Variants in RBM26 observed in about 807,000 individuals in gnomAD.
The protein encoded by RBM26 is RNA-binding protein 26.
RBM26 carries 30 observed loss-of-function variants against 123.6 expected under a neutral mutation model. The ratio of observed to expected loss-of-function variants is 0.24; its 90% CI spans 0.18 to 0.33. RBM26 has a LOEUF of 0.33. RBM26 is among the 10% of genes least tolerant of loss of function. The pLI, the probability that RBM26 is intolerant of heterozygous loss-of-function variation, is 1.00. For synonymous variants in RBM26, 400 were observed against 404.4 expected, an observed-to-expected ratio of 0.99 and a Z score of 0.13; for missense variants, 947 against 1,203.6, an observed-to-expected ratio of 0.79 and a Z score of 3.15.
downstream of RBM26, chr13:79,315,097 A>G: frequency 1.8e-6 from 1 of 563,996 alleles, no homozygotes; most frequent in South Asian, 1.7e-5. Flanking sequence ...AACATTAAAA[A>G]AGTCTATTTG....
At position 79,354,601 on chromosome 13, in the gene RBM26, T is replaced by G. The variant is rs750185527; in HGVS notation, c.1855-31A>C. The G allele has an allele frequency of 3.2e-6, 5 of 1,542,146 alleles. 1 individual carries two copies. The South Asian group carries it at 6.1e-5, about 19-fold the overall frequency. ...AACAAGGAAAAAATGTTAAACAAGT[T>G]GATTCATTCAAAAGGATGGAAAGTG... On this transcript the variant is annotated intron_variant, in intron 12 of 21. Transcript: ENST00000438737.
intron 10 of RBM26, among the ~76,000 whole-genome samples, chr13:79,359,095 T>A (rs2074358716): frequency 6.6e-6 from 1 of 152,166 alleles, no homozygotes; most frequent in African/African-American, 2.4e-5. Context: ...CACACATATC[T>A]TAACATTCTG....
intron 5 of RBM26, 127 bp downstream of exon 5, chr13:79,370,818 C>T: frequency 9.8e-7 from 1 of 1,020,908 alleles, no homozygotes; most frequent in Middle Eastern, 3.1e-4. Context: ...AAAAAGCATT[C>T]TCTTGGACCA....
At chr13:79,403,904 G>A (rs1052164595) in intron 1 of RBM26, among the ~76,000 whole-genome samples, 3 of 152,142 alleles carry the variant, frequency 2.0e-5, no homozygotes, top group Non-Finnish European at 2.9e-5. Flanking sequence ...GCATTCTGCA[G>A]CATTTCATAA....
In RBM26 at chr13:79,358,274, C is replaced by T; in HGVS notation, c.1689G>A (p.Gln563=). The stretch of plus-strand genomic sequence containing the variant: ...AACAAAACCATTTCATGGCTCTTAC[C>T]TGTAAGTTAACCAAGGTTCCAAATC... ...FSRFGTLVNL[Q]VAYNGDPEGA... The change falls in exon 11 of 22, where the codon CAG becomes CAA. Residue 563 remains glutamine (Q), a splice_region_variant and synonymous_variant. Coordinates refer to ENST00000438737, the MANE Select transcript of RBM26 (RefSeq NM_001366735.2). The T allele has an allele frequency of 6.3e-7, 1 of 1,598,772 alleles. No homozygotes were observed. Among genetic ancestry groups the T allele is most frequent in the Non-Finnish European group, 8.5e-7 (1 of 1,174,680 alleles).
At chr13:79,330,792 A>C (rs753024435) in intron 20 of RBM26, among the ~76,000 whole-genome samples, 9 of 152,160 alleles carry the variant, frequency 5.9e-5, no homozygotes, top group Non-Finnish European at 1.3e-4. Flanking sequence ...ACAAAGAAAG[A>C]CTTCCAATTC....
chr13:79,390,632 T>C (rs1388518758), intron 1 of RBM26, among the ~76,000 whole-genome samples: 2 of 152,188 alleles, frequency 1.3e-5, no homozygotes, highest in Non-Finnish European at 2.9e-5. Context: ...AAGCATGGTA[T>C]GCATGCTTTA....
intron 8 of RBM26, 110 bp downstream of exon 8, chr13:79,365,945 T>C: frequency 8.8e-7 from 1 of 1,135,240 alleles, no homozygotes; most frequent in Non-Finnish European, 1.3e-6. Flanking sequence ...CACGGCTACA[T>C]AATTTTAGTG....
At chr13:79,400,868 A>G (rs2079005908) in intron 1 of RBM26, among the ~76,000 whole-genome samples, 1 of 152,236 alleles carries the variant, frequency 6.6e-6, no homozygotes, top group African/African-American at 2.4e-5. Flanking sequence ...ATTCTATTCC[A>G]AGACATTAAG....
intron 9 of RBM26, among the ~76,000 whole-genome samples, chr13:79,359,957 C>T (rs1166965611): frequency 6.6e-6 from 1 of 151,972 alleles, no homozygotes; most frequent in African/African-American, 2.4e-5. Flanking sequence ...TTTTAAACTG[C>T]CTGCAGTTCT....
chr13:79,390,384 A>G (rs1302213342), intron 1 of RBM26, among the ~76,000 whole-genome samples: 3 of 152,208 alleles, frequency 2.0e-5, no homozygotes, highest in Non-Finnish European at 2.9e-5. Flanking sequence ...AAGTTCTACA[A>G]CAGGTAATAC....
intron 1 of RBM26, among the ~76,000 whole-genome samples, chr13:79,392,406 TA>T (rs952753046): frequency 6.9e-6 from 1 of 145,608 alleles, no homozygotes; most frequent in African/African-American, 2.5e-5. Flanking sequence ...CTTAAATTAT[TA>T]AATTAATCTC....
Position 79,322,718 on chromosome 13 carries a change from T to G in RBM26, c.2821-256A>C, listed in dbSNP as rs113795023. Among the ~76,000 whole-genome samples the G allele has an allele frequency of 6.3e-3, 951 of 151,604 alleles. 10 individuals are homozygous for G. The highest frequency in any genetic ancestry group is 0.02 in the African/African-American group (841 of 41,492). On this transcript the variant is annotated intron_variant, in intron 20 of 21. Transcript: ENST00000438737. ...AAAAGAAAACAAGAATAATTTCTCA[T>G]AATAAAATATAGCTATTTCACTACT...
chr13:79,351,327 G>A (rs1280290689), intron 14 of RBM26, among the ~76,000 whole-genome samples: 1 of 152,054 alleles, frequency 6.6e-6, no homozygotes, highest in African/African-American at 2.4e-5. Flanking sequence ...TATTTATGGG[G>A]TACAGTGTGA....
chr13:79,384,850 C>T (rs1272664119), intron 1 of RBM26, among the ~76,000 whole-genome samples: 2 of 152,102 alleles, frequency 1.3e-5, no homozygotes, highest in Non-Finnish European at 2.9e-5. Context: ...TTCAGATTTT[C>T]AAAACAGTAA....
chr13:79,334,050 G>A (rs1003461229), intron 20 of RBM26, among the ~76,000 whole-genome samples: 2 of 152,160 alleles, frequency 1.3e-5, no homozygotes, highest in African/African-American at 2.4e-5. Flanking sequence ...GGGTAGTGGA[G>A]TGGCCCTATC....
intron 21 of RBM26, 31 bp from the exon 22 acceptor site, chr13:79,320,741 C>CAAA: frequency 1.7e-6 from 2 of 1,174,408 alleles, no homozygotes; most frequent in African/African-American, 2.8e-5. Context: ...AGGAATTTAC[C>CAAA]CAAAAAAAAA....
chr13:79,338,773 A>G (rs1489880295), intron 18 of RBM26, among the ~76,000 whole-genome samples: 1 of 152,358 alleles, frequency 6.6e-6, no homozygotes. Flanking sequence ...ATGCCACTAC[A>G]AAAGACCTGA....
In RBM26 at chr13:79,366,105, G is replaced by A; in HGVS notation, c.1226C>T (p.Thr409Ile). Residue 409 changes from threonine to isoleucine, a missense_variant, in exon 8 of 22, where the codon ACT (threonine) becomes ATT (isoleucine). This residue lies in a region of RBM26 where 493 missense variants were observed against 563.1 expected (regional missense o/e 0.88). Transcript: ENST00000438737. ...ATSSVPTVVTTGIHHQPPPAP... is the reference protein window; with the variant it reads ...ATSSVPTVVTIGIHHQPPPAP... ...AGGAGGAGGCTGGTGATGAATGCCA[G>A]TTGTTACTACAGTAGGAACAGAACT... 1 of 1,614,078 alleles carries A rather than the reference G, an allele frequency of 6.2e-7. No homozygotes were observed. Among genetic ancestry groups the A allele is most frequent in the Non-Finnish European group, 8.5e-7 (1 of 1,179,946 alleles).
Sources: gnomAD v4.1 joint callset for allele counts (sites outside exome capture counted in the v4.1 genomes callset) on GRCh38, gnomAD v4.1.1 for gene constraint, gnomAD v4.1.1 regional missense constraint, MANE v1.5 for transcripts, NCBI Gene and HGNC (gene_info 2026-07-23, HGNC 2026-07-21) for gene names.